Variants in R3HDM1 observed in about 807,000 individuals in gnomAD.
R3HDM1 encodes the protein R3H domain containing 1.
R3HDM1 carries 46 observed loss-of-function variants against 141.1 expected under a neutral mutation model. The ratio of observed to expected loss-of-function variants is 0.33; its 90% confidence interval spans 0.26 to 0.42. The LOEUF (loss-of-function observed/expected upper bound fraction) is 0.42. Among genes scored for constraint, R3HDM1 ranks in the 10% least tolerant of loss-of-function variants. The probability of loss-of-function intolerance (pLI) is 1.00; values close to 1 mark genes in which losing one functional copy is unlikely to be tolerated. For synonymous variants in R3HDM1, 435 were observed against 472.9 expected (o/e 0.92, Z 1.04); for missense variants, 1,184 against 1,368.3 (o/e 0.87, Z 2.12).
chr2:135,619,362 A>C (rs2061349538), intron 5 of R3HDM1, among the ~76,000 whole-genome samples: 1 of 152,230 alleles, frequency 6.6e-6, no homozygotes, highest in Non-Finnish European at 1.5e-5. Context: ...AATTTATATG[A>C]AGAAAAAATA....
chr2:135,717,865 C>A (rs2076323902), intron 24 of R3HDM1, among the ~76,000 whole-genome samples: 1 of 152,146 alleles, frequency 6.6e-6, no homozygotes, highest in Admixed American at 6.5e-5. Flanking sequence ...AAAACATGTT[C>A]ACATAGTCTT....
At chr2:135,616,895 T>TA in intron 5 of R3HDM1, 138 bp downstream of exon 5, 3 of 715,224 alleles carry the variant, frequency 4.2e-6, no homozygotes, top group African/African-American at 1.8e-5. Context: ...ACCCAAGAGA[T>TA]ATATGAAAAG....
chr2:135,706,709 A>C (rs2105427875), intron 21 of R3HDM1, among the ~76,000 whole-genome samples: 1 of 152,342 alleles, frequency 6.6e-6, no homozygotes, highest in Admixed American at 6.5e-5. Flanking sequence ...GTCATAGATC[A>C]ACAGGATCCC....
At chr2:135,702,718 G>T (rs1338889006) in intron 21 of R3HDM1, among the ~76,000 whole-genome samples, 1 of 151,502 alleles carries the variant, frequency 6.6e-6, no homozygotes, top group Admixed American at 6.6e-5. Context: ...TCGGGAGGCT[G>T]AGGAAAGAGA....
intron 1 of R3HDM1, among the ~76,000 whole-genome samples, chr2:135,560,334 C>T (rs1307029237): frequency 6.6e-6 from 1 of 152,134 alleles, no homozygotes; most frequent in East Asian, 1.9e-4. Context: ...GATATTTTGA[C>T]ACATTTCTTT....
intron 1 of R3HDM1, among the ~76,000 whole-genome samples, chr2:135,557,609 C>T (rs1362918248): frequency 6.6e-6 from 1 of 152,180 alleles, no homozygotes; most frequent in Non-Finnish European, 1.5e-5. Context: ...CTTACTTGGT[C>T]CTTATGGCTC....
At position 135,558,282 on chromosome 2, in the gene R3HDM1, G is replaced by A. The variant is rs544558712; in HGVS notation, c.-250+26649G>A. On this transcript the variant is annotated intron_variant, in intron 1 of 26. Transcript: ENST00000683871. ...TTGAAATGTGTCTAGTGTAACTAAA[G>A]AACTGAATTTTTAATTATATTTAGT... Among the ~76,000 whole-genome samples the A allele has an allele frequency of 2.0e-5, 3 of 152,318 alleles. No homozygotes were observed. In the East Asian group the frequency reaches 5.8e-4, roughly 29 times the overall value.
At chr2:135,541,868 A>AAAAAG (rs1553518084) in intron 1 of R3HDM1, among the ~76,000 whole-genome samples, 11 of 143,878 alleles carry the variant, frequency 7.6e-5, no homozygotes, top group South Asian at 2.2e-4. Context: ...AAAAAAAAAA[A>AAAAAG]AAAGAAAGAA....
Position 135,708,447 on chromosome 2 carries a change from G to A in R3HDM1, c.2460-986G>A, listed in dbSNP as rs1252076222. On this transcript the variant is annotated intron_variant, in intron 21 of 26. Transcript: ENST00000683871. The stretch of plus-strand genomic sequence containing the variant: ...GTTTAATGCAATTATACGAGACACA[G>A]GTGCAAAAAGTTATTCCAACTAAAT... Among the ~76,000 whole-genome samples the A allele has an allele frequency of 2.0e-5, 3 of 152,100 alleles. No homozygotes were observed. The East Asian group carries it at 5.8e-4, about 29-fold the overall frequency.
At chr2:135,683,379 C>G (rs879745761) in intron 21 of R3HDM1, among the ~76,000 whole-genome samples, 5 of 151,916 alleles carry the variant, frequency 3.3e-5, no homozygotes, top group Admixed American at 6.6e-5. Flanking sequence ...CATGTTGAAA[C>G]CCTGTCTCCA....
chr2:135,551,040 G>A (rs57046728), intron 1 of R3HDM1, among the ~76,000 whole-genome samples: 5,924 of 152,250 alleles, frequency 0.039, 400 homozygotes, highest in African/African-American at 0.14. Flanking sequence ...ATCCACCAGT[G>A]GACAAGGGAC....
intron 1 of R3HDM1, among the ~76,000 whole-genome samples, chr2:135,534,435 G>A (rs900250967): frequency 6.6e-6 from 1 of 152,164 alleles, no homozygotes; most frequent in South Asian, 2.1e-4. Flanking sequence ...ACACTTGAGT[G>A]TTTCTTTTCT....
chr2:135,533,122 C>T (rs1695292806), intron 1 of R3HDM1, among the ~76,000 whole-genome samples: 1 of 152,044 alleles, frequency 6.6e-6, no homozygotes, highest in African/African-American at 2.4e-5. Context: ...ACATTCAGGT[C>T]CTGGAGGAAA....
chr2:135,552,160 C>CA (rs1699949132), intron 1 of R3HDM1, among the ~76,000 whole-genome samples: 1 of 152,134 alleles, frequency 6.6e-6, no homozygotes, highest in Admixed American at 6.5e-5. Context: ...TCTCTTTTAA[C>CA]TTATGGCATG....
In R3HDM1 at chr2:135,724,019, T is replaced by C. The variant is rs1199550901; in HGVS notation, c.3132T>C (p.Phe1044=). The change falls in exon 27 of 27, where the codon TTT becomes TTC. Residue 1044 remains phenylalanine (F), a synonymous_variant. Transcript: ENST00000683871. The part of the protein sequence containing the change: ...MEAEKLFGEL[F]KIGAKIRWLR... ...CTGAAAAGCTTTTTGGGGAACTCTT[T>C]AAAATTGGCGCCAAGATCCGGTGGC... is the stretch of plus-strand genomic sequence containing the variant. 6.2e-7 allele frequency: 1 copy of C among 1,613,862 alleles called. No homozygotes were observed. Among genetic ancestry groups the C allele is most frequent in the African/African-American group, 1.3e-5 (1 of 74,826 alleles).
intron 19 of R3HDM1, among the ~76,000 whole-genome samples, chr2:135,674,914 A>T (rs2068919211): frequency 2.0e-5 from 3 of 150,860 alleles, no homozygotes; most frequent in South Asian, 4.2e-4. Context: ...TGTTGTTACC[A>T]ACTTGAAATT....
rs369171818 is a variant in R3HDM1 at position 135,651,658 on chromosome 2, G to A, written c.1726-72G>A. On this transcript the variant is annotated intron_variant, in intron 17 of 26. Transcript: ENST00000683871. ...ACTATTGCATCTTATTTAAAAATAG[G>A]AAGTATTTTTCTTTGATAAGTTTGG... The A allele has an allele frequency of 3.3e-5, 49 of 1,490,530 alleles. No individual in the cohort carries two copies. The South Asian group carries it at 4.0e-4, about 12-fold the overall frequency. 92.3% of individuals were successfully genotyped at this position (1,490,530 alleles called of 1,614,324 possible).
chr2:135,542,488 G>C (rs963236670), intron 1 of R3HDM1, among the ~76,000 whole-genome samples: 2 of 151,938 alleles, frequency 1.3e-5, no homozygotes, highest in South Asian at 4.2e-4. Flanking sequence ...GTTAGGTCTT[G>C]CTGTCCTTTC....
chr2:135,620,914 T>G (rs1247004978), intron 5 of R3HDM1, among the ~76,000 whole-genome samples: 1 of 152,052 alleles, frequency 6.6e-6, no homozygotes, highest in African/African-American at 2.4e-5. Flanking sequence ...GTTTGAAATC[T>G]TTCTAAAAAA....
Sources: allele counts gnomAD v4.1 joint callset (sites outside exome capture counted in the v4.1 genomes callset), GRCh38; gene constraint gnomAD v4.1.1; transcripts MANE v1.5; gene names NCBI Gene and HGNC (gene_info 2026-07-23, HGNC 2026-07-21).